Variants in ARHGAP30 observed in about 807,000 individuals in gnomAD.
The protein encoded by ARHGAP30 is Rho GTPase activating protein 30.
Under a neutral mutation model 72.0 loss-of-function variants are expected in ARHGAP30, and 23 were observed. That is an observed-to-expected ratio of 0.32 (90% CI 0.23 to 0.45). ARHGAP30 has a LOEUF of 0.45. Among genes scored for constraint, ARHGAP30 ranks in the 20% least tolerant of loss-of-function variants. The probability of loss-of-function intolerance (pLI) is 1.00; values close to 1 mark genes in which losing one functional copy is unlikely to be tolerated. For synonymous variants in ARHGAP30, 576 were observed against 528.2 expected (o/e 1.09, Z -1.24); for missense variants, 1,319 against 1,383.4 (o/e 0.95, Z 0.74).
chr1:161,049,634 G>A lies in ARHGAP30; in HGVS notation c.1476C>T (p.Asp492=), dbSNP rs1459549283. The A allele has an allele frequency of 4.3e-6, 7 of 1,613,940 alleles. No homozygotes were observed. The East Asian group carries it at 6.7e-5, about 15-fold the overall frequency. Residue 492 remains aspartate, a synonymous_variant, in exon 11 of 12, where the codon GAC becomes GAT. Coordinates refer to ENST00000368013, the MANE Select transcript of ARHGAP30 (RefSeq NM_001025598.2). ...AGTCCTCCAGGGCAGGAGCCAAGTC[G>A]TCTGGGCCTGAGTCTGCCAGGGGAC... ...ASSPLADSGP[D]DLAPALEDSL...
Position 161,047,957 on chromosome 1 carries a change from T to C in ARHGAP30, c.3064A>G (p.Thr1022Ala), listed in dbSNP as rs1650991759. The change falls in exon 12 of 12, where the codon ACT (threonine) becomes GCT (alanine). Residue 1022 changes from threonine to alanine, a missense_variant. Transcript: ENST00000368013. ...AQGVRRTQTC[T>A]EGGDYCLIPR... is the part of the protein sequence containing the mutation. ...ATGAGGCAGTAATCCCCACCCTCAGTACAGGTCTGGGTTCGCCGAACTCCT... is the reference window on the plus strand; with the variant it reads ...ATGAGGCAGTAATCCCCACCCTCAGCACAGGTCTGGGTTCGCCGAACTCCT... 6.2e-7 allele frequency: 1 copy of C among 1,613,898 alleles called. No individual in the cohort carries two copies. The highest frequency in any genetic ancestry group is 8.5e-7 in the Non-Finnish European group (1 of 1,179,986).
Position 161,069,782 on chromosome 1 carries a change from C to T in ARHGAP30, c.-158G>A, listed in dbSNP as rs1653040931. ...GGAGGGTGGCCTGGGCAACGGGCAGCAGCTCCTGCCCCTGGGGCCCCGGCC... is the reference window on the plus strand; with the variant it reads ...GGAGGGTGGCCTGGGCAACGGGCAGTAGCTCCTGCCCCTGGGGCCCCGGCC... On this transcript the variant is annotated 5_prime_UTR_variant, in exon 1 of 12. Transcript: ENST00000368013. The surrounding 1 kb of genome is among the most constrained non-coding windows in gnomAD (Gnocchi z 4.9). The T allele has an allele frequency of 1.4e-6, 1 of 695,190 alleles. No individual in the cohort carries two copies. Among genetic ancestry groups the T allele is most frequent in the South Asian group, 1.8e-5 (1 of 54,226 alleles). The allele number at this position is 695,190 out of a possible 1,614,324, so 43.1% of individuals were successfully genotyped here. A position where few individuals can be genotyped will look rare whatever the true frequency, so the allele number is the denominator to read the frequency against.
At chr1:161,066,370 G>C (rs1454682436) in intron 1 of ARHGAP30, among the ~76,000 whole-genome samples, 1 of 150,950 alleles carries the variant, frequency 6.6e-6, no homozygotes, top group East Asian at 2.0e-4. Context: ...CTAGGGGCCT[G>C]GTGTGGTGGC....
intron 3 of ARHGAP30, among the ~76,000 whole-genome samples, chr1:161,055,933 A>AT (rs1281569216): frequency 3.2e-5 from 1 of 31,038 alleles, no homozygotes; most frequent in East Asian, 5.6e-4. Context: ...AATAAAATAA[A>AT]ATAAATATAA....
intron 1 of ARHGAP30, among the ~76,000 whole-genome samples, chr1:161,066,012 ACAC>A (rs1652740322): frequency 6.6e-6 from 1 of 150,606 alleles, no homozygotes; most frequent in Non-Finnish European, 1.5e-5. Flanking sequence ...CTACAGGCGC[ACAC>A]CACCATGTCC....
chr1:161,054,738 G>A, intron 3 of ARHGAP30, 33 bp from the exon 4 acceptor site: 1 of 1,597,802 alleles, frequency 6.3e-7, no homozygotes, highest in Non-Finnish European at 8.6e-7. Context: ...GCAGGAATCA[G>A]TGACCCAGCA....
chr1:161,061,523 A>T (rs1278726132), intron 1 of ARHGAP30, among the ~76,000 whole-genome samples: 1 of 138,304 alleles, frequency 7.2e-6, no homozygotes, highest in African/African-American at 2.9e-5. Flanking sequence ...TGGCAATCAA[A>T]TACAAGAATA....
intron 2 of ARHGAP30, 151 bp from the exon 3 acceptor site, chr1:161,056,683 T>C (rs1571098402): frequency 1.2e-6 from 1 of 814,480 alleles, no homozygotes; most frequent in East Asian, 2.7e-5. Context: ...TGTAAGCCAG[T>C]AAGTATAAGA....
intron 3 of ARHGAP30, 78 bp downstream of exon 3, chr1:161,056,310 A>G: frequency 6.5e-7 from 1 of 1,547,142 alleles, no homozygotes; most frequent in Non-Finnish European, 8.8e-7. Context: ...TCTGGCTAGT[A>G]TGTGGCACAC....
intron 10 of ARHGAP30, among the ~76,000 whole-genome samples, chr1:161,050,747 T>A (rs2102032079): frequency 6.6e-6 from 1 of 152,210 alleles, no homozygotes; most frequent in South Asian, 2.1e-4. Context: ...TTCAAGCGAT[T>A]CTCCTGCCTC....
At chr1:161,051,275 G>A in intron 10 of ARHGAP30, 39 bp downstream of exon 10, 1 of 1,531,304 alleles carries the variant, frequency 6.5e-7, no homozygotes, top group Non-Finnish European at 8.8e-7. Flanking sequence ...TAGAGTTCCA[G>A]TCCCCTTTCC....
intron 1 of ARHGAP30, among the ~76,000 whole-genome samples, chr1:161,065,871 AT>A (rs1652723071): frequency 1.1e-5 from 1 of 91,258 alleles, no homozygotes. Context: ...CCGGCCCCTT[AT>A]TTATTTATTT....
rs1006730735 is a variant in ARHGAP30 at position 161,047,617 on chromosome 1, C to T, written c.*98G>A. ...GAGGGCCAAAGCCTATAGAGTTGGGCACTACAGCTGCTCATGCTGCAGAGG... is the reference window on the plus strand; with the variant it reads ...GAGGGCCAAAGCCTATAGAGTTGGGTACTACAGCTGCTCATGCTGCAGAGG... On this transcript the variant is annotated 3_prime_UTR_variant, in exon 12 of 12. Coordinates refer to ENST00000368013, the MANE Select transcript of ARHGAP30 (RefSeq NM_001025598.2). 7 of 1,334,436 alleles carry T rather than the reference C, an allele frequency of 5.2e-6. No homozygotes were observed. The highest frequency in any genetic ancestry group is 7.0e-6 in the Non-Finnish European group (7 of 994,194). The allele number at this position is 1,334,436 out of a possible 1,614,324, so 82.7% of individuals were successfully genotyped here. A position where few individuals can be genotyped will look rare whatever the true frequency, so the allele number is the denominator to read the frequency against.
chr1:161,047,948 C>T lies in ARHGAP30; in HGVS notation c.3073G>A (p.Gly1025Arg). ...GTTCTGGGGATGAGGCAGTAATCCC[C>T]ACCCTCAGTACAGGTCTGGGTTCGC... ...VRRTQTCTEGGDYCLIPRTSP... is the reference protein window; with the variant it reads ...VRRTQTCTEGRDYCLIPRTSP... Residue 1025 changes from glycine (G) to arginine (R), a missense_variant, in exon 12 of 12, where the codon GGG becomes AGG. Gly to Arg is a moderately radical substitution (Grantham distance 125). Around this residue, in one of 2 missense-constraint regions of ARHGAP30, gnomAD observed 1,097 missense variants for 1,045.2 expected, o/e 1.05. Coordinates refer to ENST00000368013, the MANE Select transcript of ARHGAP30 (RefSeq NM_001025598.2). 2 of 1,613,926 alleles carry T rather than the reference C, an allele frequency of 1.2e-6. No homozygotes were observed. The highest frequency in any genetic ancestry group is 1.7e-6 in the Non-Finnish European group (2 of 1,179,948).
rs756502665 is a variant in ARHGAP30 at position 161,051,562 on chromosome 1, G to A, written c.1172C>T (p.Ala391Val). The part of the protein sequence containing the change: ...GTNSEPGTPR[A>V]GRSAIRAGGS... ...CCCAGCCCGGATGGCTGACCGCCCA[G>A]CTCGTGGTGTGCCTGGTTCAGAGTT... Residue 391 changes from alanine (A) to valine (V), a missense_variant, in exon 10 of 12, where the codon GCT (alanine) becomes GTT (valine). By Grantham distance (64) the Ala-to-Val change is moderately conservative. Coordinates refer to ENST00000368013, the MANE Select transcript of ARHGAP30 (RefSeq NM_001025598.2). 8 of 1,613,988 alleles carry A rather than the reference G, an allele frequency of 5.0e-6. No homozygotes were observed. The highest frequency in any genetic ancestry group is 6.8e-6 in the Non-Finnish European group (8 of 1,180,050).
Position 161,069,887 on chromosome 1 carries a change from C to A in ARHGAP30, c.-263G>T. ...TCCTGTGTCTCGTGGCCCAGCCTGG[C>A]ACTCGCCCTCCTCGCCCCGCTCAGC... On this transcript the variant is annotated 5_prime_UTR_variant, in exon 1 of 12. Coordinates refer to ENST00000368013, the MANE Select transcript of ARHGAP30 (RefSeq NM_001025598.2). The surrounding 1 kb of genome is among the most constrained non-coding windows in gnomAD (Gnocchi z 4.9). The A allele has an allele frequency of 3.7e-6, 2 of 536,292 alleles. No individual in the cohort carries two copies. The highest frequency in any genetic ancestry group is 3.1e-5 in the East Asian group (1 of 32,200). 33.2% of individuals were successfully genotyped at this position (536,292 alleles called of 1,614,324 possible). A position where few individuals can be genotyped will look rare whatever the true frequency, so the allele number is the denominator to read the frequency against.
chr1:161,055,903 A>AT (rs1428278396), intron 3 of ARHGAP30, among the ~76,000 whole-genome samples: 14 of 23,848 alleles, frequency 5.9e-4, no homozygotes, highest in African/African-American at 1.5e-3. Flanking sequence ...AATAAAATAA[A>AT]ATAAAATAAA....
chr1:161,059,678 C>T lies in ARHGAP30; in HGVS notation c.136G>A (p.Glu46Lys). 3 of 1,613,760 alleles carry T rather than the reference C, an allele frequency of 1.9e-6. No individual in the cohort carries two copies. Among genetic ancestry groups the T allele is most frequent in the Non-Finnish European group, 2.5e-6 (3 of 1,179,828 alleles). The change falls in exon 2 of 12, where the codon GAG becomes AAG. Residue 46 changes from glutamate (E) to lysine (K), a missense_variant. Glu to Lys is a moderately conservative substitution (Grantham distance 56). Around this residue, in one of 2 missense-constraint regions of ARHGAP30, gnomAD observed 222 missense variants for 338.2 expected, o/e 0.66. Transcript: ENST00000368013. ...TAGATCCCATCCACCACTCCATACT[C>T]CTCCACAAATTCTGCACAGCTCTTT... The part of the protein sequence containing the change: ...VLKSCAEFVE[E>K]YGVVDGIYRL...
chr1:161,051,373 T>C lies in ARHGAP30; in HGVS notation c.1361A>G (p.His454Arg). Residue 454 changes from histidine (H) to arginine (R), a missense_variant, in exon 10 of 12, where the codon CAC (histidine) becomes CGC (arginine). By Grantham distance (29) the His-to-Arg change is conservative (BLOSUM62 0). This residue lies in a region of ARHGAP30 where 1,097 missense variants were observed against 1,045.2 expected (regional missense o/e 1.05). Coordinates refer to ENST00000368013, the MANE Select transcript of ARHGAP30 (RefSeq NM_001025598.2). ...AGGGCCAGAGGCAGGGCTTGGCCGG[T>C]GCTGTAGAGCAGGGCACTCAAGGCC... Reference protein sequence around the residue: ...TRGLECPALQHRPSPASGPGP... With the variant: ...TRGLECPALQRRPSPASGPGP... 1 of 1,613,170 alleles carries C rather than the reference T, an allele frequency of 6.2e-7. No homozygotes were observed. The highest frequency in any genetic ancestry group is 8.5e-7 in the Non-Finnish European group (1 of 1,179,754).
Sources: gnomAD v4.1 joint callset for allele counts (sites outside exome capture counted in the v4.1 genomes callset) on GRCh38, gnomAD v4.1.1 for gene constraint, gnomAD v4.1.1 regional missense constraint, Gnocchi (gnomAD v3.1) non-coding constraint, MANE v1.5 for transcripts, NCBI Gene and HGNC (gene_info 2026-07-23, HGNC 2026-07-21) for gene names.